FNIP1: variants seen among roughly 807,000 people sequenced by gnomAD.
The protein encoded by FNIP1 is folliculin-interacting protein 1.
In FNIP1, 40 loss-of-function variants were observed where a neutral mutation model predicts 124.5. That is an observed-to-expected ratio of 0.32 (90% CI 0.25 to 0.42). FNIP1 has a LOEUF of 0.42. Among genes scored for constraint, FNIP1 ranks in the 10% least tolerant of loss-of-function variants. The pLI is 1.00. For missense variants in FNIP1, 1,176 were observed against 1,403.7 expected (o/e 0.84, Z 2.59); for synonymous variants, 472 against 470.6 (o/e 1.00, Z -0.04).
intron 1 of FNIP1, among the ~76,000 whole-genome samples, chr5:131,777,572 TA>T (rs1250701667): frequency 6.6e-6 from 1 of 152,126 alleles, no homozygotes; most frequent in East Asian, 1.9e-4. Context: ...AATCAAATAC[TA>T]AAAAAACAAA....
chr5:131,685,112 A>C (rs566527268), intron 11 of FNIP1, among the ~76,000 whole-genome samples: 9 of 152,350 alleles, frequency 5.9e-5, no homozygotes, highest in African/African-American at 2.2e-4. Flanking sequence ...CTTAAACCAG[A>C]CAAGGCACGG....
intron 13 of FNIP1, among the ~76,000 whole-genome samples, chr5:131,674,366 C>T (rs181784611): frequency 6.2e-4 from 95 of 152,292 alleles, no homozygotes; most frequent in Non-Finnish European, 1.2e-3. Context: ...TAGAAATTAG[C>T]ATTTCTATAT....
intron 15 of FNIP1, among the ~76,000 whole-genome samples, chr5:131,666,544 G>A (rs1767610330): frequency 6.6e-6 from 1 of 152,154 alleles, no homozygotes; most frequent in Non-Finnish European, 1.5e-5. Context: ...GTATGGCATA[G>A]CAGCTTAAGA....
At chr5:131,735,548 A>ATATAGATATACACATATTTATATATG (rs1426972222) in intron 2 of FNIP1, among the ~76,000 whole-genome samples, 4 of 148,254 alleles carry the variant, frequency 2.7e-5, no homozygotes, top group Non-Finnish European at 1.5e-5. Context: ...ATATACATGT[A>ATATAGATATACACATATTTATATATG]TATACATATA....
chr5:131,665,896 ATAC>A (rs1238503023), intron 15 of FNIP1, among the ~76,000 whole-genome samples: 66 of 134,240 alleles, frequency 4.9e-4, no homozygotes, highest in African/African-American at 1.8e-3. Flanking sequence ...GCCTAAAATA[ATAC>A]TTTTTTTTTT....
intron 11 of FNIP1, among the ~76,000 whole-genome samples, chr5:131,692,657 T>C (rs1013802385): frequency 2.0e-5 from 3 of 152,156 alleles, no homozygotes; most frequent in Non-Finnish European, 4.4e-5. Context: ...CAAGATTTAC[T>C]ATAAAGATAT....
intron 2 of FNIP1, among the ~76,000 whole-genome samples, chr5:131,732,399 T>C (rs994054455): frequency 2.6e-5 from 4 of 152,248 alleles, no homozygotes; most frequent in African/African-American, 9.6e-5. Flanking sequence ...CATGAGGTCC[T>C]TGCCCATGCC....
At chr5:131,766,314 T>C (rs1182127916) in intron 1 of FNIP1, among the ~76,000 whole-genome samples, 1 of 152,110 alleles carries the variant, frequency 6.6e-6, no homozygotes, top group African/African-American at 2.4e-5. Flanking sequence ...AGTGCTGAGA[T>C]TACAGGCATC....
chr5:131,658,907 C>CAAGAAAAAA (rs1424830867), intron 15 of FNIP1, among the ~76,000 whole-genome samples: 2 of 41,164 alleles, frequency 4.9e-5, no homozygotes, highest in African/African-American at 2.0e-4. Flanking sequence ...TGGGTCTAGC[C>CAAGAAAAAA]AAAAAAAAAA....
intron 1 of FNIP1, among the ~76,000 whole-genome samples, chr5:131,769,237 A>G (rs1771543151): frequency 6.6e-6 from 1 of 152,222 alleles, no homozygotes; most frequent in Non-Finnish European, 1.5e-5. Context: ...TTAAAACAAT[A>G]ATTAATACTT....
chr5:131,688,055 G>C (rs1332879215), intron 11 of FNIP1, among the ~76,000 whole-genome samples: 5 of 151,914 alleles, frequency 3.3e-5, no homozygotes, highest in African/African-American at 1.2e-4. Flanking sequence ...AGGGAGAGGG[G>C]ATGGCTAAGA....
chr5:131,772,982 A>T (rs1210645461), intron 1 of FNIP1, among the ~76,000 whole-genome samples: 1 of 152,176 alleles, frequency 6.6e-6, no homozygotes, highest in Non-Finnish European at 1.5e-5. Context: ...CCCCAGCATT[A>T]TCTCAACCTC....
chr5:131,652,798 C>T (rs993406753), intron 15 of FNIP1, among the ~76,000 whole-genome samples: 10 of 151,910 alleles, frequency 6.6e-5, no homozygotes, highest in African/African-American at 2.4e-4. Flanking sequence ...CTCGTCTCTA[C>T]AAAAAAATCT....
chr5:131,721,955 A>C (rs1341680620), intron 3 of FNIP1, among the ~76,000 whole-genome samples: 1 of 152,224 alleles, frequency 6.6e-6, no homozygotes, highest in Non-Finnish European at 1.5e-5. Flanking sequence ...TTTACCTACC[A>C]AGTATCTATT....
chr5:131,780,074 A>T (rs1285253434), intron 1 of FNIP1, among the ~76,000 whole-genome samples: 2 of 152,008 alleles, frequency 1.3e-5, no homozygotes, highest in Non-Finnish European at 2.9e-5. Context: ...AAGCTTTAAA[A>T]TTTTTCAGGA....
chr5:131,681,571 T>C (rs889312453), intron 11 of FNIP1, among the ~76,000 whole-genome samples: 1 of 151,396 alleles, frequency 6.6e-6, no homozygotes, highest in South Asian at 2.1e-4. Context: ...AAAACTCTAA[T>C]GTACATTAAA....
Position 131,698,912 on chromosome 5 carries a change from T to G in FNIP1, c.1202+5A>C. 1.2e-6 allele frequency: 2 copies of G among 1,602,394 alleles called. No individual in the cohort carries two copies. The highest frequency in any genetic ancestry group is 1.3e-5 in the African/African-American group (1 of 74,336). The stretch of plus-strand genomic sequence containing the variant: ...CTGCATTATGGAAAGCTGGGCAATA[T>G]GTACCTGAATTCATTTAGGGCATCA... On this transcript the variant is annotated splice_donor_5th_base_variant and intron_variant, in intron 11 of 17. Coordinates refer to ENST00000510461, the MANE Select transcript of FNIP1 (RefSeq NM_133372.3).
In FNIP1 at chr5:131,706,506, T is replaced by C; in HGVS notation, c.819A>G (p.Pro273=). 1 of 1,613,322 alleles carries C rather than the reference T, an allele frequency of 6.2e-7. No individual in the cohort carries two copies. The highest frequency in any genetic ancestry group is 8.5e-7 in the Non-Finnish European group (1 of 1,179,550). Residue 273 remains proline, a synonymous_variant, in exon 9 of 18, where the codon CCA becomes CCG. Transcript: ENST00000510461. ...CACAACTTCGGGTAAGTGAGGAGTT[T>C]GGGGAAGGAAATGGAGTGATCAGCA... ...SSLLITPFPS[P]NSSLTRSCAS...
intron 15 of FNIP1, among the ~76,000 whole-genome samples, chr5:131,662,413 G>A (rs1580734950): frequency 6.6e-6 from 1 of 152,166 alleles, no homozygotes; most frequent in Admixed American, 6.5e-5. Flanking sequence ...TAAATTAAAA[G>A]AAAGATGCAT....
Sources: gnomAD v4.1 joint callset for allele counts (sites outside exome capture counted in the v4.1 genomes callset) on GRCh38, gnomAD v4.1.1 for gene constraint, MANE v1.5 for transcripts, NCBI Gene and HGNC (gene_info 2026-07-23, HGNC 2026-07-21) for gene names.